COQ3: variants seen among roughly 807,000 people sequenced by gnomAD.
COQ3 encodes the protein coenzyme Q3, methyltransferase.
COQ3 carries 29 observed loss-of-function variants against 33.1 expected under a neutral mutation model. That is an observed-to-expected ratio of 0.88 (90% CI 0.65 to 1.19). COQ3 has a LOEUF of 1.19. Ranked by LOEUF, COQ3 falls within the 50% of genes most tolerant of loss-of-function variation. The pLI, the probability that COQ3 is intolerant of heterozygous loss-of-function variation, is 0.00. For synonymous variants in COQ3, 173 were observed against 157.8 expected (o/e 1.10, Z -0.72); for missense variants, 437 against 430.7 (o/e 1.01, Z -0.13).
At chr6:99,393,973 CGA>C (rs1254599512) in intron 1 of COQ3, 99 bp downstream of exon 1, 1 of 942,102 alleles carries the variant, frequency 1.1e-6, no homozygotes, top group East Asian at 2.5e-5. Context: ...TGACCCCTCG[CGA>C]GGTCCAGAGA....
At chr6:99,391,102 T>TATTGAATG (rs1409202225) in intron 1 of COQ3, among the ~76,000 whole-genome samples, 1 of 121,150 alleles carries the variant, frequency 8.3e-6, no homozygotes, top group Non-Finnish European at 1.9e-5. Flanking sequence ...TTTATTTATT[T>TATTGAATG]ATTTATTTAT....
chr6:99,378,528 G>A (rs539354612), intron 3 of COQ3, among the ~76,000 whole-genome samples: 21 of 152,166 alleles, frequency 1.4e-4, no homozygotes, highest in Admixed American at 5.2e-4. Context: ...AAGGTGTCTC[G>A]TAGTTTGAAC....
chr6:99,377,438 A>C lies in COQ3; in HGVS notation c.434T>G (p.Leu145Trp). The change falls in exon 4 of 7, where the codon TTG becomes TGG. Residue 145 changes from leucine (L) to tryptophan (W), a missense_variant. Transcript: ENST00000254759. ...TIPNHQPGKP[L>W]LGMKILDVGC... The stretch of plus-strand genomic sequence containing the variant: ...AACGTCAAGAATCTTCATCCCCAAC[A>C]AAGGTTTTCCTGGCTGGTGATTAGG... The C allele has an allele frequency of 2.5e-6, 4 of 1,613,468 alleles. No individual in the cohort carries two copies. The Middle Eastern group carries it at 6.6e-4, about 266-fold the overall frequency.
At chr6:99,378,737 T>C (rs1218412304) in intron 3 of COQ3, among the ~76,000 whole-genome samples, 7 of 152,196 alleles carry the variant, frequency 4.6e-5, no homozygotes, top group Admixed American at 4.6e-4. Context: ...ATGACATTTC[T>C]GTTTTTCTTT....
chr6:99,388,778 G>A (rs747951169), intron 1 of COQ3, among the ~76,000 whole-genome samples: 1 of 151,978 alleles, frequency 6.6e-6, no homozygotes, highest in Non-Finnish European at 1.5e-5. Context: ...AACCCAGGAG[G>A]CAGAGGTTGC....
intron 3 of COQ3, among the ~76,000 whole-genome samples, chr6:99,379,638 T>C (rs1050679508): frequency 1.3e-5 from 2 of 152,128 alleles, no homozygotes; most frequent in African/African-American, 4.8e-5. Context: ...GCAGATCACC[T>C]AAGGTCAGGA....
rs1415722968 is a variant in COQ3 at position 99,377,432 on chromosome 6, C to A, written c.440G>T (p.Gly147Val). Residue 147 changes from glycine (G) to valine (V), a missense_variant, in exon 4 of 7, where the codon GGG becomes GTG. Gly to Val is a moderately radical substitution (Grantham distance 109). Transcript: ENST00000254759. ...PNHQPGKPLL[G>V]MKILDVGCGG... ...ACAGCCAACGTCAAGAATCTTCATC[C>A]CCAACAAAGGTTTTCCTGGCTGGTG... 8 of 1,613,496 alleles carry A rather than the reference C, an allele frequency of 5.0e-6. No individual in the cohort carries two copies. Among genetic ancestry groups the A allele is most frequent in the Non-Finnish European group, 6.8e-6 (8 of 1,179,780 alleles).
At chr6:99,390,334 CTTT>C (rs78376478) in intron 1 of COQ3, among the ~76,000 whole-genome samples, 12 of 107,284 alleles carry the variant, frequency 1.1e-4, no homozygotes, top group Admixed American at 9.8e-5. Context: ...CAATGTTAAA[CTTT>C]TTTTTTTTTT....
chr6:99,393,946 A>G, intron 1 of COQ3, 128 bp downstream of exon 1: 2 of 730,638 alleles, frequency 2.7e-6, no homozygotes, highest in Non-Finnish European at 4.7e-6. Flanking sequence ...GCCAGGACCA[A>G]GCCTTAGGTT....
chr6:99,375,486 C>T (rs1371346209), intron 5 of COQ3, among the ~76,000 whole-genome samples: 2 of 151,702 alleles, frequency 1.3e-5, no homozygotes, highest in Non-Finnish European at 2.9e-5. Context: ...AGGGTTCAAG[C>T]AATTCTTGTA....
At chr6:99,386,187 C>T (rs1280002792) in intron 1 of COQ3, among the ~76,000 whole-genome samples, 1 of 151,544 alleles carries the variant, frequency 6.6e-6, no homozygotes, top group South Asian at 2.1e-4. Flanking sequence ...CCCAGAGCTT[C>T]GGGAGGCCAA....
chr6:99,380,324 A>G lies in COQ3; in HGVS notation c.251T>C (p.Leu84Pro). The part of the protein sequence containing the change: ...IKSFRYPWAR[L>P]YSTSQTTVDS... ...GACAGTGGTTTGGGAAGTACTGTAC[A>G]GTCTCGCCCAAGGGTACCTAAAAGG... The change falls in exon 3 of 7, where the codon CTG becomes CCG. Residue 84 changes from leucine (L) to proline (P), a missense_variant. Transcript: ENST00000254759. 3.1e-6 allele frequency: 5 copies of G among 1,613,810 alleles called. No homozygotes were observed. The highest frequency in any genetic ancestry group is 1.1e-5 in the South Asian group (1 of 91,036).
At position 99,383,945 on chromosome 6, in the gene COQ3, G is replaced by A. The variant is rs569803878; in HGVS notation, c.107-121C>T. On this transcript the variant is annotated intron_variant, in intron 1 of 6. Coordinates refer to ENST00000254759, the MANE Select transcript of COQ3 (RefSeq NM_017421.4). ...TTTTATAGTCTTGCTCTGCCACCCA[G>A]GTTGGAGTGTAATGGCACAATCATG... The A allele has an allele frequency of 9.5e-5, 70 of 736,300 alleles. 1 individual carries two copies. The South Asian group carries it at 1.4e-3, about 15-fold the overall frequency. 45.6% of individuals were successfully genotyped at this position (736,300 alleles called of 1,614,324 possible).
intron 1 of COQ3, among the ~76,000 whole-genome samples, chr6:99,388,895 A>G (rs1218088024): frequency 4.9e-3 from 55 of 11,230 alleles, no homozygotes; most frequent in Admixed American, 7.9e-3. Flanking sequence ...ATACACGCAC[A>G]CACACACACA....
chr6:99,384,431 A>G (rs1316181139), intron 1 of COQ3, among the ~76,000 whole-genome samples: 2 of 152,240 alleles, frequency 1.3e-5, no homozygotes, highest in African/African-American at 2.4e-5. Flanking sequence ...TGTACATAAA[A>G]TGACAGGAAT....
chr6:99,389,074 G>C (rs1370206360), intron 1 of COQ3, among the ~76,000 whole-genome samples: 1 of 152,040 alleles, frequency 6.6e-6, no homozygotes, highest in South Asian at 2.1e-4. Context: ...CCAAGGAACT[G>C]GGTGAATAGT....
chr6:99,373,209 G>A (rs758635423), intron 5 of COQ3, among the ~76,000 whole-genome samples: 1 of 152,152 alleles, frequency 6.6e-6, no homozygotes, highest in Non-Finnish European at 1.5e-5. Flanking sequence ...AGGATTGCTC[G>A]AGACCAGGAG....
intron 5 of COQ3, among the ~76,000 whole-genome samples, chr6:99,372,231 C>G (rs897265435): frequency 5.3e-5 from 8 of 152,006 alleles, no homozygotes; most frequent in African/African-American, 1.9e-4. Flanking sequence ...TGGCGAAACC[C>G]CCGTCTCTAC....
At chr6:99,385,459 TA>T (rs1386157069) in intron 1 of COQ3, among the ~76,000 whole-genome samples, 1 of 152,020 alleles carries the variant, frequency 6.6e-6, no homozygotes, top group Non-Finnish European at 1.5e-5. Context: ...TTGAATGTAA[TA>T]AGATCAAATA....
Sources: allele counts gnomAD v4.1 joint callset (sites outside exome capture counted in the v4.1 genomes callset), GRCh38; gene constraint gnomAD v4.1.1; transcripts MANE v1.5; gene names NCBI Gene and HGNC (gene_info 2026-07-23, HGNC 2026-07-21).